SNX13: variants seen among roughly 807,000 people sequenced by gnomAD.
SNX13 encodes the protein sorting nexin-13.
A neutral mutation model predicts 133.6 loss-of-function variants in SNX13; 45 were observed. The ratio of observed to expected loss-of-function variants is 0.34; its 90% CI spans 0.27 to 0.43. The LOEUF is 0.43. SNX13 is among the 20% of genes least tolerant of loss of function. The pLI is 1.00. For missense variants in SNX13, 1,032 were observed against 1,145.1 expected (o/e 0.90, Z 1.43); for synonymous variants, 414 against 373.9 (o/e 1.11, Z -1.24).
At chr7:17,829,600 T>C (rs1788260440) in intron 16 of SNX13, among the ~76,000 whole-genome samples, 1 of 151,426 alleles carries the variant, frequency 6.6e-6, no homozygotes, top group South Asian at 2.1e-4. Flanking sequence ...CCCACTAGTT[T>C]TGTATTTCTT....
chr7:17,797,051 G>A (rs536071661), intron 24 of SNX13, 112 bp from the exon 25 acceptor site: 7 of 810,648 alleles, frequency 8.6e-6, no homozygotes, highest in Non-Finnish European at 1.4e-5. Flanking sequence ...AGAAAGAAAA[G>A]TTTCTGAATA....
intron 1 of SNX13, among the ~76,000 whole-genome samples, chr7:17,930,999 C>T (rs1457605108): frequency 1.3e-5 from 2 of 152,186 alleles, no homozygotes; most frequent in Non-Finnish European, 2.9e-5. Context: ...AAACTGTCTT[C>T]CACAAAACCG....
rs1783640797 is a variant in SNX13 at position 17,792,441 on chromosome 7, TTAA to T, written c.*1601_*1603del. 1 of 152,492 alleles carries T rather than the reference TTAA, an allele frequency of 6.6e-6. No individual in the cohort carries two copies. The allele number at this position is 152,492 out of a possible 1,614,324, so 9.4% of individuals were successfully genotyped here. ...ACTATAAGTATGCACAACAGCATTA[TTAA>T]TAAATATGATTATTATAAAGCTTTA... On this transcript the variant is annotated 3_prime_UTR_variant, in exon 26 of 26. Coordinates refer to ENST00000428135, the MANE Select transcript of SNX13 (RefSeq NM_015132.5).
At chr7:17,798,847 C>G in intron 23 of SNX13, 89 bp from the exon 24 acceptor site, 1 of 1,233,012 alleles carries the variant, frequency 8.1e-7, no homozygotes. Flanking sequence ...GCAACTTAAT[C>G]TGGATGTAAA....
chr7:17,848,316 C>A (rs1217298799), intron 11 of SNX13, among the ~76,000 whole-genome samples: 1 of 152,130 alleles, frequency 6.6e-6, no homozygotes, highest in Non-Finnish European at 1.5e-5. Context: ...ATAAAGTCTC[C>A]AGCATTTACC....
intron 25 of SNX13, 122 bp downstream of exon 25, chr7:17,796,705 A>G (rs930480348): frequency 1.4e-5 from 10 of 691,326 alleles, no homozygotes; most frequent in Non-Finnish European, 2.6e-5. Context: ...AGTGCCTGAT[A>G]TGTATTAAGC....
At chr7:17,818,274 A>G (rs1786897194) in intron 18 of SNX13, among the ~76,000 whole-genome samples, 1 of 152,204 alleles carries the variant, frequency 6.6e-6, no homozygotes, top group Admixed American at 6.5e-5. Context: ...TACCAAACTA[A>G]TATACCAAGG....
At chr7:17,809,319 A>G (rs2389857) in intron 20 of SNX13, among the ~76,000 whole-genome samples, 1 of 149,966 alleles carries the variant, frequency 6.7e-6, no homozygotes, top group South Asian at 2.1e-4. Flanking sequence ...CAGGTATTGC[A>G]ATCTTAGTCT....
intron 1 of SNX13, among the ~76,000 whole-genome samples, chr7:17,918,421 A>C (rs145169445): frequency 2.3e-4 from 33 of 145,336 alleles, no homozygotes; most frequent in African/African-American, 7.9e-4. Flanking sequence ...AAGAAACTTA[A>C]GATGAATCAA....
chr7:17,805,585 T>A (rs926643073), intron 20 of SNX13, among the ~76,000 whole-genome samples: 1 of 152,288 alleles, frequency 6.6e-6, no homozygotes, highest in Admixed American at 6.5e-5. Flanking sequence ...CAACCTGAGT[T>A]TAAATAGTGT....
chr7:17,849,886 A>G (rs927542671), intron 11 of SNX13, among the ~76,000 whole-genome samples: 5 of 152,200 alleles, frequency 3.3e-5, no homozygotes, highest in African/African-American at 1.2e-4. Context: ...GACATTCTCT[A>G]TACGCTACTT....
At chr7:17,850,501 C>T (rs2128326049) in intron 10 of SNX13, 66 bp from the exon 11 acceptor site, 2 of 952,698 alleles carry the variant, frequency 2.1e-6, no homozygotes, top group Non-Finnish European at 1.5e-6. Flanking sequence ...TAAACATGCA[C>T]TTACTGTAAT....
intron 12 of SNX13, among the ~76,000 whole-genome samples, chr7:17,841,580 A>ACACACACACACG (rs774602771): frequency 1.3e-5 from 2 of 151,274 alleles, no homozygotes; most frequent in Admixed American, 1.3e-4. Flanking sequence ...ACACACACAC[A>ACACACACACACG]CACGCACACA....
intron 18 of SNX13, among the ~76,000 whole-genome samples, chr7:17,818,865 G>T (rs538227675): frequency 6.6e-6 from 1 of 152,010 alleles, no homozygotes; most frequent in Non-Finnish European, 1.5e-5. Flanking sequence ...GTTTAATATG[G>T]TGCATATTTT....
At chr7:17,877,180 G>C (rs1240345296) in intron 5 of SNX13, among the ~76,000 whole-genome samples, 1 of 151,356 alleles carries the variant, frequency 6.6e-6, no homozygotes, top group Non-Finnish European at 1.5e-5. Flanking sequence ...AAAGCCGTAA[G>C]TATATGAACA....
chr7:17,890,544 G>A lies in SNX13; in HGVS notation c.319-60C>T, dbSNP rs1796514882. The A allele has an allele frequency of 3.0e-6, 4 of 1,336,838 alleles. No homozygotes were observed. In the South Asian group the frequency reaches 6.1e-5, roughly 20 times the overall value. 82.8% of individuals were successfully genotyped at this position (1,336,838 alleles called of 1,614,324 possible). A position where few individuals can be genotyped will look rare whatever the true frequency, so the allele number is the denominator to read the frequency against. ...TTTTAGGATTTAAAAAGTTACAGTG[G>A]TAAACTAAAAAAGTATGCTGTATCT... On this transcript the variant is annotated intron_variant, in intron 4 of 25. Coordinates refer to ENST00000428135, the MANE Select transcript of SNX13 (RefSeq NM_015132.5).
At chr7:17,928,267 G>A (rs1431829522) in intron 1 of SNX13, among the ~76,000 whole-genome samples, 1 of 152,154 alleles carries the variant, frequency 6.6e-6, no homozygotes, top group Admixed American at 6.5e-5. Flanking sequence ...GACTGAGGCA[G>A]GAAGGTTGCT....
intron 1 of SNX13, among the ~76,000 whole-genome samples, chr7:17,908,402 T>C (rs1798613427): frequency 6.6e-6 from 1 of 152,214 alleles, no homozygotes; most frequent in African/African-American, 2.4e-5. Context: ...GATCATGACT[T>C]GCTCTCTTGC....
Position 17,845,618 on chromosome 7 carries a change from T to A in SNX13, c.1142A>T (p.Asn381Ile). 1 of 1,599,116 alleles carries A rather than the reference T, an allele frequency of 6.3e-7. No homozygotes were observed. Among genetic ancestry groups the A allele is most frequent in the Non-Finnish European group, 8.5e-7 (1 of 1,173,536 alleles). ...TVPLDSILVD[N>I]VALQFFMDYM... ...ACCCATAAAAAATTGTAGTGCAACA[T>A]TGTCTACAAGAATGCTGTCCAGGGG... The change falls in exon 12 of 26, where the codon AAT becomes ATT. Residue 381 changes from asparagine to isoleucine, a missense_variant. By Grantham distance (149) the Asn-to-Ile change is moderately radical. Coordinates refer to ENST00000428135, the MANE Select transcript of SNX13 (RefSeq NM_015132.5).
Sources: allele counts gnomAD v4.1 joint callset (sites outside exome capture counted in the v4.1 genomes callset), GRCh38; gene constraint gnomAD v4.1.1; transcripts MANE v1.5; gene names NCBI Gene and HGNC (gene_info 2026-07-23, HGNC 2026-07-21).